Variants in NAALADL2 observed in about 807,000 individuals in gnomAD.
NAALADL2 encodes the protein N-acetylated alpha-linked acidic dipeptidase like 2.
Under a neutral mutation model 87.2 loss-of-function variants are expected in NAALADL2, and 76 were observed. That is an observed-to-expected ratio of 0.87 (90% CI 0.72 to 1.05). NAALADL2 has a LOEUF of 1.05. Among genes scored for constraint, NAALADL2 ranks in the 50% least tolerant of loss-of-function variants. NAALADL2 has a pLI of 0.00. For missense variants in NAALADL2, 1,089 were observed against 945.8 expected, an observed-to-expected ratio of 1.15 and a Z score of -1.99; for synonymous variants, 354 against 331.0, an observed-to-expected ratio of 1.07 and a Z score of -0.75.
In NAALADL2 at chr3:175,509,831, T is replaced by G. The variant is rs1169484733; in HGVS notation, c.1653+38073T>G. On this transcript the variant is annotated intron_variant, in intron 9 of 13. Transcript: ENST00000454872. ...GGCAGAACAGGAAGCAAACACATCC[T>G]TTTTCTTTTTTTTCTTATTTTATTT... Among the ~76,000 whole-genome samples the G allele has an allele frequency of 2.7e-5, 4 of 149,454 alleles. No individual in the cohort carries two copies. In the East Asian group the frequency reaches 7.8e-4, roughly 29 times the overall value.
chr3:175,786,840 G>GT (rs776600799), intron 13 of NAALADL2, among the ~76,000 whole-genome samples: 3 of 152,204 alleles, frequency 2.0e-5, no homozygotes, highest in Admixed American at 6.5e-5. Context: ...CATCTTTGTG[G>GT]TTTTATCTAC....
intron 1 of NAALADL2, among the ~76,000 whole-genome samples, chr3:174,882,819 GTATA>G (rs1334356556): frequency 1.4e-5 from 2 of 138,470 alleles, no homozygotes; most frequent in Non-Finnish European, 3.0e-5. Flanking sequence ...GTGCATATGT[GTATA>G]TATACACGTG....
upstream of NAALADL2, among the ~76,000 whole-genome samples, chr3:174,855,849 T>G (rs975790752): frequency 6.7e-6 from 1 of 149,834 alleles, no homozygotes; most frequent in African/African-American, 2.5e-5. Context: ...ATGAAAGATA[T>G]GTATATATGT....
intron 1 of NAALADL2, among the ~76,000 whole-genome samples, chr3:174,912,463 C>A (rs1733828960): frequency 6.6e-6 from 1 of 152,144 alleles, no homozygotes; most frequent in Admixed American, 6.5e-5. Flanking sequence ...CACCCTAAGG[C>A]TGCAATAGCT....
At chr3:175,437,797 C>T (rs896486851) in intron 5 of NAALADL2, among the ~76,000 whole-genome samples, 7 of 152,070 alleles carry the variant, frequency 4.6e-5, no homozygotes, top group Admixed American at 1.3e-4. Flanking sequence ...AAATTATACT[C>T]TGCATAATCT....
At chr3:174,863,588 AC>A (rs200932278) in intron 1 of NAALADL2, among the ~76,000 whole-genome samples, 12 of 151,952 alleles carry the variant, frequency 7.9e-5, no homozygotes, top group South Asian at 2.1e-4. Context: ...GAAAAAAAAA[AC>A]AACTCTAGGC....
At chr3:174,859,928 C>T (rs1469679327) in intron 1 of NAALADL2, among the ~76,000 whole-genome samples, 1 of 151,948 alleles carries the variant, frequency 6.6e-6, no homozygotes, top group Non-Finnish European at 1.5e-5. Flanking sequence ...AGGTAGAAAA[C>T]AGGGGAACAT....
chr3:175,503,331 G>A (rs181765403), intron 9 of NAALADL2, among the ~76,000 whole-genome samples: 4 of 152,188 alleles, frequency 2.6e-5, no homozygotes, highest in South Asian at 2.1e-4. Context: ...GTCTACCACC[G>A]ATGGGTATTT....
At chr3:175,559,473 T>TA (rs1715906543) in intron 9 of NAALADL2, among the ~76,000 whole-genome samples, 1 of 152,134 alleles carries the variant, frequency 6.6e-6, no homozygotes, top group Non-Finnish European at 1.5e-5. Context: ...CTTCCAGTAC[T>TA]ATGTTGAAAA....
At chr3:175,310,904 G>T (rs563644195) in intron 4 of NAALADL2, among the ~76,000 whole-genome samples, 2 of 151,660 alleles carry the variant, frequency 1.3e-5, no homozygotes, top group Non-Finnish European at 2.9e-5. Context: ...TAATCTGTTT[G>T]GTTCAAAAGA....
At chr3:175,302,564 C>G (rs60162730) in intron 4 of NAALADL2, among the ~76,000 whole-genome samples, 1 of 151,886 alleles carries the variant, frequency 6.6e-6, no homozygotes, top group Non-Finnish European at 1.5e-5. Flanking sequence ...AACAGACATT[C>G]TGGAAAGGTA....
chr3:175,011,081 C>A lies in NAALADL2; in HGVS notation c.44-85709C>A, dbSNP rs1055655457. Among the ~76,000 whole-genome samples, 10 of 152,048 alleles carry A rather than the reference C, an allele frequency of 6.6e-5. No individual in the cohort carries two copies. In the East Asian group the frequency reaches 1.2e-3, roughly 18 times the overall value. ...GGGATTTGCACTGTTTTATAATTTA[C>A]TGCATAACTCACCTCTCATTCTTCC... On this transcript the variant is annotated intron_variant, in intron 1 of 13. Coordinates refer to ENST00000454872, the MANE Select transcript of NAALADL2 (RefSeq NM_207015.3).
chr3:174,750,853 T>C (rs1027954747), intron 3 of NAALADL2, among the ~76,000 whole-genome samples: 1 of 152,210 alleles, frequency 6.6e-6, no homozygotes, highest in Non-Finnish European at 1.5e-5. Flanking sequence ...ATCTTTCATA[T>C]ATCTCATACA....
chr3:175,576,960 G>A (rs930085406), intron 10 of NAALADL2, among the ~76,000 whole-genome samples: 2 of 152,106 alleles, frequency 1.3e-5, no homozygotes, highest in Non-Finnish European at 2.9e-5. Context: ...CTCAGAAGGG[G>A]TGCTTAAATT....
At chr3:174,823,444 A>G (rs907598659) in intron 3 of NAALADL2, among the ~76,000 whole-genome samples, 9 of 152,068 alleles carry the variant, frequency 5.9e-5, no homozygotes, top group African/African-American at 1.9e-4. Flanking sequence ...TTTACAAAAG[A>G]CCACTGGACC....
chr3:175,253,365 G>T (rs936145917), intron 3 of NAALADL2, among the ~76,000 whole-genome samples: 4 of 152,096 alleles, frequency 2.6e-5, no homozygotes. Context: ...GTTTACACAT[G>T]GACTACTGAA....
chr3:175,411,488 G>GA (rs11456247), intron 5 of NAALADL2, among the ~76,000 whole-genome samples: 120,935 of 151,814 alleles, frequency 0.8, 48,309 homozygotes, highest in Middle Eastern at 0.87. Context: ...TGTTATGGGG[G>GA]AAAAATGAAG....
intron 12 of NAALADL2, among the ~76,000 whole-genome samples, chr3:175,743,219 T>C (rs1467772562): frequency 6.6e-6 from 1 of 152,152 alleles, no homozygotes; most frequent in Non-Finnish European, 1.5e-5. Context: ...CAGGCCCTTC[T>C]TGAACTCCTG....
chr3:174,752,376 T>C (rs1361351272), intron 3 of NAALADL2, among the ~76,000 whole-genome samples: 1 of 152,190 alleles, frequency 6.6e-6, no homozygotes, highest in Non-Finnish European at 1.5e-5. Context: ...CCTATGTAAA[T>C]AAGTTTTTAG....
Sources: gnomAD v4.1 joint callset for allele counts (sites outside exome capture counted in the v4.1 genomes callset) on GRCh38, gnomAD v4.1.1 for gene constraint, MANE v1.5 for transcripts, NCBI Gene and HGNC (gene_info 2026-07-23, HGNC 2026-07-21) for gene names.